TMEM132D: variants seen among roughly 807,000 people sequenced by gnomAD.
The protein encoded by TMEM132D is transmembrane protein 132D.
Under a neutral mutation model 62.3 loss-of-function variants are expected in TMEM132D, and 21 were observed. That is an observed-to-expected ratio of 0.34 (90% CI 0.24 to 0.49). TMEM132D has a LOEUF of 0.49. Among genes scored for constraint, TMEM132D ranks in the 20% least tolerant of loss-of-function variants. TMEM132D has a pLI of 0.99. For missense variants in TMEM132D, 1,346 were observed against 1,402.8 expected (o/e 0.96, Z 0.65); for synonymous variants, 621 against 575.6 (o/e 1.08, Z -1.13).
intron 1 of TMEM132D, among the ~76,000 whole-genome samples, chr12:129,786,799 G>A (rs1203303272): frequency 1.3e-5 from 2 of 152,216 alleles, no homozygotes; most frequent in Non-Finnish European, 2.9e-5. Flanking sequence ...GCTGAGGCAG[G>A]AGAATCGCTT....
At chr12:129,749,319 G>A (rs1225658393) in intron 1 of TMEM132D, among the ~76,000 whole-genome samples, 1 of 152,202 alleles carries the variant, frequency 6.6e-6, no homozygotes, top group African/African-American at 2.4e-5. Flanking sequence ...CTCTGTAGCT[G>A]TGGAGGCCAC....
chr12:129,307,295 C>A (rs960092306), intron 4 of TMEM132D, among the ~76,000 whole-genome samples: 3 of 151,964 alleles, frequency 2.0e-5, no homozygotes, highest in Non-Finnish European at 4.4e-5. Context: ...CCTATTGAAC[C>A]CAACGGAAAG....
At chr12:129,706,433 A>T (rs899609245) in intron 1 of TMEM132D, among the ~76,000 whole-genome samples, 6 of 152,040 alleles carry the variant, frequency 3.9e-5, no homozygotes, top group African/African-American at 7.2e-5. Flanking sequence ...CACAATTCAC[A>T]ATGCATAAAT....
intron 4 of TMEM132D, among the ~76,000 whole-genome samples, chr12:129,295,408 C>A (rs191357583): frequency 3.0e-4 from 45 of 151,566 alleles, no homozygotes; most frequent in African/African-American, 1.0e-3. Context: ...GACTTCCCTG[C>A]CTCTGAAATC....
intron 2 of TMEM132D, among the ~76,000 whole-genome samples, chr12:129,548,350 A>T (rs1876797078): frequency 6.6e-6 from 1 of 152,130 alleles, no homozygotes; most frequent in Non-Finnish European, 1.5e-5. Flanking sequence ...CTGGGGTTTG[A>T]TCTTTACCCA....
At chr12:129,542,731 G>A (rs984761861) in intron 2 of TMEM132D, among the ~76,000 whole-genome samples, 21 of 152,004 alleles carry the variant, frequency 1.4e-4, no homozygotes, top group African/African-American at 4.8e-4. Context: ...ACGCATATAC[G>A]TACATGCACA....
intron 5 of TMEM132D, among the ~76,000 whole-genome samples, chr12:129,126,717 A>G (rs1462745014): frequency 1.3e-5 from 2 of 152,122 alleles, no homozygotes; most frequent in African/African-American, 2.4e-5. Context: ...GCTTTAATAC[A>G]TTTTCCAGGA....
In TMEM132D at chr12:129,814,781, C is replaced by T. The variant is rs528812075; in HGVS notation, c.79+88480G>A. On this transcript the variant is annotated intron_variant, in intron 1 of 8. Coordinates refer to ENST00000422113, the MANE Select transcript of TMEM132D (RefSeq NM_133448.3). ...CTGAGCTCCTTTTAGGTCCTCTAAC[C>T]CACTGAGCTTTTCCTCCTCCCAGGA... Among the ~76,000 whole-genome samples the T allele has an allele frequency of 2.4e-4, 37 of 152,186 alleles. No individual in the cohort carries two copies. The South Asian group carries it at 7.3e-3, about 30-fold the overall frequency.
intron 3 of TMEM132D, among the ~76,000 whole-genome samples, chr12:129,402,368 G>A (rs183275240): frequency 2.6e-5 from 4 of 152,298 alleles, no homozygotes. Context: ...AAAGTAGGAA[G>A]ATTGGCTGTA....
Position 129,833,745 on chromosome 12 carries a change from G to A in TMEM132D, c.79+69516C>T, listed in dbSNP as rs902578941. On this transcript the variant is annotated intron_variant, in intron 1 of 8. Coordinates refer to ENST00000422113, the MANE Select transcript of TMEM132D (RefSeq NM_133448.3). Reference sequence around the variant, plus strand: ...TTCACAGCCCATTGCCACAGGCACCGTCCCCAATTTCAGCTCTAGCTTCCA... The same window carrying A: ...TTCACAGCCCATTGCCACAGGCACCATCCCCAATTTCAGCTCTAGCTTCCA... Among the ~76,000 whole-genome samples the A allele has an allele frequency of 1.4e-4, 22 of 152,136 alleles. 1 individual carries two copies. Among genetic ancestry groups the A allele is most frequent in the African/African-American group, 4.6e-4 (19 of 41,406 alleles).
At chr12:129,548,442 A>G (rs1036759415) in intron 2 of TMEM132D, among the ~76,000 whole-genome samples, 3 of 152,236 alleles carry the variant, frequency 2.0e-5, no homozygotes, top group African/African-American at 7.2e-5. Context: ...GGTCTATTAA[A>G]AAGGGAAGGA....
At chr12:129,093,665 G>C (rs144608345) in intron 5 of TMEM132D, among the ~76,000 whole-genome samples, 1 of 151,750 alleles carries the variant, frequency 6.6e-6, no homozygotes, top group Admixed American at 6.6e-5. Context: ...GACTTTCTTC[G>C]CAGAATTGGA....
chr12:129,415,054 T>C (rs762705354), intron 3 of TMEM132D, among the ~76,000 whole-genome samples: 6 of 152,214 alleles, frequency 3.9e-5, no homozygotes, highest in African/African-American at 7.2e-5. Flanking sequence ...CATTCCTTTA[T>C]GCATCATCCA....
chr12:129,338,337 G>T (rs909055776), intron 3 of TMEM132D, among the ~76,000 whole-genome samples: 7 of 152,134 alleles, frequency 4.6e-5, no homozygotes, highest in African/African-American at 1.7e-4. Flanking sequence ...ACAAACCAGG[G>T]TCAAGGGGGT....
chr12:129,466,160 T>C (rs1593023086), intron 3 of TMEM132D, among the ~76,000 whole-genome samples: 1 of 152,204 alleles, frequency 6.6e-6, no homozygotes, highest in African/African-American at 2.4e-5. Context: ...GTTATCATTA[T>C]TTTCTGCAGA....
At chr12:129,550,580 C>A (rs1876866998) in intron 2 of TMEM132D, among the ~76,000 whole-genome samples, 1 of 152,142 alleles carries the variant, frequency 6.6e-6, no homozygotes, top group Non-Finnish European at 1.5e-5. Flanking sequence ...AACACTTAAG[C>A]AACCATTTCA....
At chr12:129,182,694 C>T (rs1254498440) in intron 5 of TMEM132D, among the ~76,000 whole-genome samples, 2 of 152,308 alleles carry the variant, frequency 1.3e-5, no homozygotes, top group East Asian at 3.9e-4. Flanking sequence ...ACACATCTTC[C>T]CAGAAATACT....
intron 4 of TMEM132D, among the ~76,000 whole-genome samples, chr12:129,329,704 A>G (rs575511104): frequency 1.3e-5 from 2 of 152,198 alleles, no homozygotes; most frequent in African/African-American, 4.8e-5. Flanking sequence ...CTGTTCTCTT[A>G]CACGCCTTTA....
rs76492417 is a variant in TMEM132D, at chr12:129,366,625, G to A, written c.1116-28808C>T. Reference sequence around the variant, plus strand: ...GAATGCAAGAATGGACTAATACGCCGTGTGAGCTCTAGGACCAGGCATCGC... The same window carrying A: ...GAATGCAAGAATGGACTAATACGCCATGTGAGCTCTAGGACCAGGCATCGC... On this transcript the variant is annotated intron_variant, in intron 3 of 8. Coordinates refer to ENST00000422113, the MANE Select transcript of TMEM132D (RefSeq NM_133448.3). Among the ~76,000 whole-genome samples, 246 of 152,308 alleles carry A rather than the reference G, an allele frequency of 1.6e-3. 1 individual carries two copies. Among genetic ancestry groups the A allele is most frequent in the African/African-American group, 5.5e-3 (227 of 41,568 alleles).
Sources: gnomAD v4.1 joint callset for allele counts (sites outside exome capture counted in the v4.1 genomes callset) on GRCh38, gnomAD v4.1.1 for gene constraint, MANE v1.5 for transcripts, NCBI Gene and HGNC (gene_info 2026-07-23, HGNC 2026-07-21) for gene names.